The following POLA1 variants were observed in gnomAD, a reference collection of about 807,000 sequenced individuals.
The protein encoded by POLA1 is DNA polymerase alpha catalytic subunit.
A neutral mutation model predicts 124.0 loss-of-function variants in POLA1; 15 were observed. The ratio of observed to expected loss-of-function variants is 0.12; its 90% confidence interval spans 0.08 to 0.19. POLA1 has a LOEUF of 0.19. POLA1 is among the 10% of genes least tolerant of loss of function. The pLI, the probability that POLA1 is intolerant of heterozygous loss-of-function variation, is 1.00. For synonymous variants in POLA1, 408 were observed against 389.4 expected (o/e 1.05, Z -0.56); for missense variants, 886 against 1,103.4 (o/e 0.80, Z 2.79).
chrX:24,835,048 C>CTT (rs761260774), intron 32 of POLA1, among the ~76,000 whole-genome samples: 7 of 97,472 alleles, frequency 7.2e-5, no homozygotes, highest in Middle Eastern at 0.01. Context: ...TTTGCATTTC[C>CTT]TTTTTTTTTT....
chrX:24,824,984 T>C (rs1569327574), intron 31 of POLA1, among the ~76,000 whole-genome samples: 1 of 111,752 alleles, frequency 8.9e-6, no homozygotes, highest in Non-Finnish European at 1.9e-5. Context: ...ATTGCTGTAA[T>C]CTTAAGGGTA....
chrX:24,888,040 A>G lies in POLA1; in HGVS notation c.4082A>G (p.Asn1361Ser), dbSNP rs747410080. Residue 1361 changes from asparagine to serine, a missense_variant, in exon 35 of 37, where the codon AAT becomes AGT. Physicochemically the swap from Asn to Ser is conservative, Grantham distance 46. Transcript: ENST00000379068. Reference sequence around the variant, plus strand: ...ATATGTGAAGAGCCAACCTGTCGCAATCGAACTCGTCACCTTCCCCTTCAA... The same window carrying G: ...ATATGTGAAGAGCCAACCTGTCGCAGTCGAACTCGTCACCTTCCCCTTCAA... The part of the protein sequence containing the change: ...WLICEEPTCR[N>S]RTRHLPLQFS... 27 of 1,207,062 alleles carry G rather than the reference A, an allele frequency of 2.2e-5. No individual in the cohort carries two copies. Among genetic ancestry groups the G allele is most frequent in the South Asian group, 5.3e-5 (3 of 56,702 alleles).
intron 36 of POLA1, among the ~76,000 whole-genome samples, chrX:24,970,343 A>G (rs1015678648): frequency 8.9e-6 from 1 of 112,618 alleles, no homozygotes; most frequent in Non-Finnish European, 1.9e-5. Flanking sequence ...ACCCAAAACT[A>G]TAAAAACCCT....
At chrX:24,818,192 G>A (rs1241019753) in intron 30 of POLA1, among the ~76,000 whole-genome samples, 2 of 109,367 alleles carry the variant, frequency 1.8e-5, no homozygotes, top group Admixed American at 9.8e-5. Context: ...TAAACCACCA[G>A]GAAGCATTTT....
rs771961399 is a variant in POLA1 at position 24,829,153 on chromosome X, C to T, written c.3736+2552C>T. The stretch of plus-strand genomic sequence containing the variant: ...CGGTCCCACCCATATACCCATCACT[C>T]CTGCCTCACAACCTGAAAATTCTCT... On this transcript the variant is annotated intron_variant, in intron 32 of 36. Coordinates refer to ENST00000379068, the MANE Select transcript of POLA1 (RefSeq NM_001330360.2). Among the ~76,000 whole-genome samples the T allele has an allele frequency of 2.7e-5, 3 of 111,101 alleles. No homozygotes were observed. The East Asian group carries it at 8.6e-4, about 32-fold the overall frequency.
intron 35 of POLA1, among the ~76,000 whole-genome samples, chrX:24,893,195 A>G (rs1252063709): frequency 8.9e-6 from 1 of 111,766 alleles, no homozygotes; most frequent in Non-Finnish European, 1.9e-5. Context: ...CCGTGTAGGA[A>G]GAGAACCTTA....
intron 30 of POLA1, among the ~76,000 whole-genome samples, chrX:24,819,756 T>C (rs1278136802): frequency 2.5e-4 from 28 of 111,334 alleles, no homozygotes; most frequent in Admixed American, 2.3e-3. Context: ...TCATCTAGGT[T>C]TTAAGCCCTG....
At chrX:24,703,104 G>T in intron 2 of POLA1, 147 bp from the exon 3 acceptor site, 1 of 441,883 alleles carries the variant, frequency 2.3e-6, no homozygotes, top group Non-Finnish European at 4.0e-6. Flanking sequence ...CCCTGTAGTG[G>T]TGTTGAATGT....
intron 12 of POLA1, among the ~76,000 whole-genome samples, chrX:24,725,157 C>A (rs1015269381): frequency 4.7e-5 from 5 of 107,504 alleles, no homozygotes; most frequent in Non-Finnish European, 9.6e-5. Context: ...CTATTACTTA[C>A]TAGCATGTAA....
In POLA1 at chrX:24,929,158, C is replaced by A. The variant is rs11573482; in HGVS notation, c.4165-1295C>A. 5.0e-3 allele frequency among the ~76,000 whole-genome samples: 561 copies of A among 112,328 alleles called. 3 individuals are homozygous for A. The highest frequency in any genetic ancestry group is 0.016 in the African/African-American group (511 of 30,984). On this transcript the variant is annotated intron_variant, in intron 35 of 36. Coordinates refer to ENST00000379068, the MANE Select transcript of POLA1 (RefSeq NM_001330360.2). Reference sequence around the variant, plus strand: ...CCAAATTGGGTTGGCTATAATTTTTCATCATTAAGACCCAGCTAGGATCCT... The same window carrying A: ...CCAAATTGGGTTGGCTATAATTTTTAATCATTAAGACCCAGCTAGGATCCT...
At chrX:24,835,251 C>T (rs756624688) in intron 32 of POLA1, among the ~76,000 whole-genome samples, 5 of 110,206 alleles carry the variant, frequency 4.5e-5, no homozygotes, top group East Asian at 5.7e-4. Flanking sequence ...GGGGTTTCAC[C>T]GTGCTGGCCA....
chrX:24,789,155 G>A (rs191632773), intron 26 of POLA1: 3 of 890,316 alleles, frequency 3.4e-6, no homozygotes, highest in African/African-American at 4.0e-5. Flanking sequence ...GAAGTCCTAG[G>A]CAGAGCAATT....
chrX:24,739,039 G>A (rs192173816), intron 19 of POLA1, among the ~76,000 whole-genome samples: 1 of 110,803 alleles, frequency 9.0e-6, no homozygotes. Context: ...TATTTAAGAT[G>A]GCAGTCCCCC....
At chrX:24,799,733 A>C (rs1054056159) in intron 26 of POLA1, among the ~76,000 whole-genome samples, 1 of 112,061 alleles carries the variant, frequency 8.9e-6, no homozygotes, top group African/African-American at 3.2e-5. Flanking sequence ...GAAAATGCCA[A>C]GCATAGTTTT....
At chrX:24,989,951 G>A (rs778646210) in intron 36 of POLA1, among the ~76,000 whole-genome samples, 8 of 111,768 alleles carry the variant, frequency 7.2e-5, no homozygotes, top group Middle Eastern at 4.6e-3. Flanking sequence ...GTTGTTCAGC[G>A]TATCCAGAAC....
rs56391011 is a variant in POLA1, at chrX:24,812,464, A to G, written c.3091-194A>G. ...TCTCTCTCTCTCTTTTTTTTAATCT[A>G]TTTTTGTCCCTGCAGTTTTCAATGT... On this transcript the variant is annotated intron_variant, in intron 28 of 36. Transcript: ENST00000379068. Among the ~76,000 whole-genome samples the G allele has an allele frequency of 1.4e-4, 15 of 109,759 alleles. No homozygotes were observed. The East Asian group carries it at 3.4e-3, about 25-fold the overall frequency.
At chrX:24,707,076 T>C (rs1908275490) in intron 4 of POLA1, among the ~76,000 whole-genome samples, 2 of 112,381 alleles carry the variant, frequency 1.8e-5, no homozygotes, top group South Asian at 7.3e-4. Context: ...TTTTCTACAC[T>C]GGTACCATTT....
intron 36 of POLA1, among the ~76,000 whole-genome samples, chrX:24,980,248 A>G (rs754381179): frequency 8.9e-6 from 1 of 111,975 alleles, no homozygotes; most frequent in East Asian, 2.8e-4. Context: ...TACCGGGTAG[A>G]CGACCAGTTA....
chrX:24,787,180 CTTTTTG>C (rs2045383574), intron 26 of POLA1, among the ~76,000 whole-genome samples: 1 of 111,452 alleles, frequency 9.0e-6, no homozygotes, highest in African/African-American at 3.3e-5. Flanking sequence ...TGTAGGTTGT[CTTTTTG>C]TTTTGTTAAT....
Sources: allele counts gnomAD v4.1 joint callset (sites outside exome capture counted in the v4.1 genomes callset), GRCh38; gene constraint gnomAD v4.1.1; transcripts MANE v1.5; gene names NCBI Gene and HGNC (gene_info 2026-07-23, HGNC 2026-07-21).